COX10: variants seen among roughly 807,000 people sequenced by gnomAD.
The protein encoded by COX10 is protoheme IX farnesyltransferase, mitochondrial.
COX10 carries 27 observed loss-of-function variants against 37.3 expected under a neutral mutation model. The observed-to-expected ratio is 0.72, with a 90% CI of 0.53 to 1.00. The LOEUF (loss-of-function observed/expected upper bound fraction) is 1.00, where lower values mean the gene tolerates loss of function less well. Ranked by LOEUF, COX10 falls within the 50% of genes least tolerant of loss-of-function variation. The probability of loss-of-function intolerance (pLI) is 0.00; values close to 1 mark genes in which losing one functional copy is unlikely to be tolerated. For missense variants in COX10, 475 were observed against 563.2 expected, an observed-to-expected ratio of 0.84 and a Z score of 1.59; for synonymous variants, 222 against 229.1, an observed-to-expected ratio of 0.97 and a Z score of 0.28.
rs1252709958 is a variant in COX10, at chr17:14,076,955, T to C, written c.398T>C (p.Val133Ala). The C allele has an allele frequency of 6.2e-7, 1 of 1,614,120 alleles. No homozygotes were observed. The highest frequency in any genetic ancestry group is 2.2e-5 in the East Asian group (1 of 44,878). The change falls in exon 3 of 7, where the codon GTA (valine) becomes GCA (alanine). Residue 133 changes from valine (V) to alanine (A), a missense_variant. Physicochemically the swap from Val to Ala is moderately conservative, Grantham distance 64. Around this residue, in one of 5 missense-constraint regions of COX10, gnomAD observed 242 missense variants for 242.5 expected, o/e 1.00. Transcript: ENST00000261643. ...TCAGTAATTGAAGACTCAATAGATG[T>C]AGGGAAAGAGACAAAAGAGGAAAAG... ...PDSVIEDSID[V>A]GKETKEEKRW...
At chr17:14,184,595 A>C (rs1185120247) in intron 5 of COX10, among the ~76,000 whole-genome samples, 2 of 152,192 alleles carry the variant, frequency 1.3e-5, no homozygotes, top group Non-Finnish European at 2.9e-5. Flanking sequence ...TGTATGATTA[A>C]ATTAAAACAA....
intron 5 of COX10, among the ~76,000 whole-genome samples, chr17:14,166,785 CTTTTT>C (rs57127092): frequency 3.0e-5 from 3 of 100,260 alleles, no homozygotes; most frequent in Non-Finnish European, 5.7e-5. Flanking sequence ...CTATTTCTTT[CTTTTT>C]TTTTTTTTTT....
chr17:14,113,003 TC>T (rs1916037693), intron 4 of COX10, among the ~76,000 whole-genome samples: 1 of 152,114 alleles, frequency 6.6e-6, no homozygotes, highest in African/African-American at 2.4e-5. Context: ...TTAATGGCTT[TC>T]TGTTAATCTT....
intron 3 of COX10, among the ~76,000 whole-genome samples, chr17:14,099,542 T>G (rs561642660): frequency 1.3e-5 from 2 of 152,226 alleles, no homozygotes; most frequent in African/African-American, 4.8e-5. Context: ...CTTCCTGTTC[T>G]GCTTGCTGTA....
chr17:14,140,409 T>C (rs1047870564), intron 4 of COX10, among the ~76,000 whole-genome samples: 1 of 152,138 alleles, frequency 6.6e-6, no homozygotes, highest in African/African-American at 2.4e-5. Flanking sequence ...TTTTAATCAT[T>C]CCTTTAGTAT....
intron 5 of COX10, among the ~76,000 whole-genome samples, chr17:14,175,682 G>A (rs866578777): frequency 5.5e-4 from 83 of 151,896 alleles, no homozygotes; most frequent in African/African-American, 1.9e-3. Flanking sequence ...GTGAACAGTT[G>A]AGCTCTAAAA....
chr17:14,088,094 T>C (rs1915452193), intron 3 of COX10, among the ~76,000 whole-genome samples: 1 of 152,184 alleles, frequency 6.6e-6, no homozygotes, highest in South Asian at 2.1e-4. Flanking sequence ...CTGGCTTCTG[T>C]CCTTGCTCCT....
intron 2 of COX10, among the ~76,000 whole-genome samples, chr17:14,075,078 A>G (rs1915110989): frequency 6.6e-6 from 1 of 152,072 alleles, no homozygotes; most frequent in African/African-American, 2.4e-5. Flanking sequence ...ATAGCTGAAA[A>G]CTCATAGTGC....
At chr17:14,202,353 T>C (rs1287644964) in intron 6 of COX10, among the ~76,000 whole-genome samples, 1 of 151,914 alleles carries the variant, frequency 6.6e-6, no homozygotes, top group Admixed American at 6.6e-5. Context: ...GACTCCCAAG[T>C]AGGCCGGACT....
At chr17:14,092,364 G>A (rs901677845) in intron 3 of COX10, among the ~76,000 whole-genome samples, 1 of 152,018 alleles carries the variant, frequency 6.6e-6, no homozygotes, top group South Asian at 2.1e-4. Flanking sequence ...TTTGGTCCTA[G>A]GACTTTCAGT....
intron 4 of COX10, among the ~76,000 whole-genome samples, chr17:14,146,339 C>T (rs557500979): frequency 6.6e-6 from 1 of 152,110 alleles, no homozygotes; most frequent in East Asian, 1.9e-4. Context: ...CAGAAACAAA[C>T]TCACACACCT....
At chr17:14,149,125 A>C (rs994016025) in intron 4 of COX10, among the ~76,000 whole-genome samples, 1 of 151,562 alleles carries the variant, frequency 6.6e-6, no homozygotes, top group Non-Finnish European at 1.5e-5. Flanking sequence ...TGGTATAATC[A>C]TGCCCTAGAT....
chr17:14,183,655 A>G (rs1299250677), intron 5 of COX10, among the ~76,000 whole-genome samples: 5 of 152,300 alleles, frequency 3.3e-5, no homozygotes, highest in Admixed American at 2.6e-4. Context: ...AAAATTGAAG[A>G]TAAAAATAGT....
At chr17:14,089,377 A>T (rs1915476645) in intron 3 of COX10, among the ~76,000 whole-genome samples, 1 of 152,222 alleles carries the variant, frequency 6.6e-6, no homozygotes, top group Admixed American at 6.5e-5. Flanking sequence ...CTGATCTGGC[A>T]GCAGTTTCTC....
chr17:14,182,548 T>C (rs1168553407), intron 5 of COX10, among the ~76,000 whole-genome samples: 1 of 152,140 alleles, frequency 6.6e-6, no homozygotes, highest in Non-Finnish European at 1.5e-5. Flanking sequence ...AACTCCTAAA[T>C]AAGATTCTGG....
chr17:14,188,207 C>T (rs1906095226), intron 5 of COX10, among the ~76,000 whole-genome samples: 1 of 76,106 alleles, frequency 1.3e-5, no homozygotes, highest in Admixed American at 1.4e-4. Flanking sequence ...TTTAGAGTCT[C>T]ATAGGGAAAA....
At chr17:14,090,412 T>C (rs1375217969) in intron 3 of COX10, among the ~76,000 whole-genome samples, 1 of 152,188 alleles carries the variant, frequency 6.6e-6, no homozygotes, top group African/African-American at 2.4e-5. Context: ...CTTTCCAAAA[T>C]GTATATAAAG....
At position 14,077,014 on chromosome 17, in the gene COX10, T is replaced by A; in HGVS notation, c.457T>A (p.Leu153Met). The A allele has an allele frequency of 6.2e-7, 1 of 1,614,130 alleles. No individual in the cohort carries two copies. The highest frequency in any genetic ancestry group is 8.5e-7 in the Non-Finnish European group (1 of 1,180,018). ...WKEMKLQVYD[L>M]PGILARLSKI... ...AGAGATGAAGCTGCAAGTGTATGAT[T>A]TGCCAGGAATTTTGGCTCGACTATC... Residue 153 changes from leucine to methionine, a missense_variant, in exon 3 of 7, where the codon TTG becomes ATG. Coordinates refer to ENST00000261643, the MANE Select transcript of COX10 (RefSeq NM_001303.4).
chr17:14,075,400 G>A (rs559637747), intron 2 of COX10, among the ~76,000 whole-genome samples: 1 of 152,268 alleles, frequency 6.6e-6, no homozygotes, highest in East Asian at 1.9e-4. Context: ...CACTTAACTA[G>A]TTATCAGCAT....
Sources: gnomAD v4.1 joint callset for allele counts (sites outside exome capture counted in the v4.1 genomes callset) on GRCh38, gnomAD v4.1.1 for gene constraint, gnomAD v4.1.1 regional missense constraint, MANE v1.5 for transcripts, NCBI Gene and HGNC (gene_info 2026-07-23, HGNC 2026-07-21) for gene names.